DHX34: variants seen among roughly 807,000 people sequenced by gnomAD.
DHX34 encodes the protein DExH-box helicase 34.
Under a neutral mutation model 111.1 loss-of-function variants are expected in DHX34, and 96 were observed. The ratio of observed to expected loss-of-function variants is 0.86; its 90% CI spans 0.73 to 1.02. The LOEUF (loss-of-function observed/expected upper bound fraction) is 1.02. Among genes scored for constraint, DHX34 ranks in the 50% least tolerant of loss-of-function variants. DHX34 has a pLI of 0.00. For missense variants in DHX34, 1,560 were observed against 1,579.9 expected (o/e 0.99, Z 0.21); for synonymous variants, 688 against 670.4 (o/e 1.03, Z -0.41).
chr19:47,359,200 C>T (rs1248757805), intron 4 of DHX34, among the ~76,000 whole-genome samples: 1 of 152,178 alleles, frequency 6.6e-6, no homozygotes, highest in African/African-American at 2.4e-5. Flanking sequence ...TACATTGGCT[C>T]ATGCCTATAA....
intron 12 of DHX34, 104 bp from the exon 13 acceptor site, chr19:47,376,996 A>C: frequency 1.3e-6 from 2 of 1,583,014 alleles, no homozygotes; most frequent in Non-Finnish European, 1.7e-6. Flanking sequence ...TGCCGTAAGC[A>C]TACTCTTTCT....
intron 6 of DHX34, among the ~76,000 whole-genome samples, chr19:47,364,865 C>T (rs776901806): frequency 6.6e-5 from 10 of 152,162 alleles, no homozygotes; most frequent in African/African-American, 2.2e-4. Context: ...GGGCTCCATC[C>T]GAGGCCACCA....
chr19:47,350,729 A>AT lies in DHX34; in HGVS notation c.-278+1387dup, dbSNP rs375167988. Reference sequence around the variant, plus strand: ...GCCACCATGCCCGGCCTGAAAAAGCATTTTTTTTTTAATGAGAAAGATGGA... The same window carrying AT: ...GCCACCATGCCCGGCCTGAAAAAGCATTTTTTTTTTTAATGAGAAAGATGGA... On this transcript the variant is annotated intron_variant, in intron 1 of 16. Transcript: ENST00000328771. Among the ~76,000 whole-genome samples the AT allele has an allele frequency of 9.0e-3, 1,332 of 148,276 alleles. 25 individuals carry two copies. Among genetic ancestry groups the AT allele is most frequent in the African/African-American group, 0.028 (1,149 of 40,708 alleles).
chr19:47,362,267 CAAA>C (rs4039582), intron 5 of DHX34: 6,948 of 265,432 alleles, frequency 0.026, 1 homozygote, highest in Non-Finnish European at 0.029. Flanking sequence ...GACCCTGTCT[CAAA>C]AAAAAAAAAA....
chr19:47,357,605 C>T (rs897999749), intron 3 of DHX34: 17 of 376,954 alleles, frequency 4.5e-5, no homozygotes, highest in South Asian at 2.2e-4. Context: ...ACAGCCCCCA[C>T]GACAAGGAAT....
In DHX34 at chr19:47,376,517, G is replaced by C. The variant is rs1970165763; in HGVS notation, c.2556G>C (p.Leu852=). ...TCTTCGCTGGCAGCCCCGAGGTGCT[G>C]CACGCACAGGAGCTGGAGGCCAGCA... ...TCVFAGSPEV[L]HAQELEASNC... is the part of the protein sequence containing the mutation. Residue 852 remains leucine (L), a synonymous_variant, in exon 12 of 17, where the codon CTG becomes CTC. Coordinates refer to ENST00000328771, the MANE Select transcript of DHX34 (RefSeq NM_014681.6). 1 of 1,590,020 alleles carries C rather than the reference G, an allele frequency of 6.3e-7. No individual in the cohort carries two copies. The highest frequency in any genetic ancestry group is 8.6e-7 in the Non-Finnish European group (1 of 1,168,946).
At chr19:47,373,010 C>A in intron 8 of DHX34, 87 bp downstream of exon 8, 1 of 1,440,100 alleles carries the variant, frequency 6.9e-7, no homozygotes, top group African/African-American at 1.4e-5. Flanking sequence ...GTGTCCCACC[C>A]TCAGCCCCAC....
chr19:47,373,570 G>C, intron 8 of DHX34, 29 bp from the exon 9 acceptor site: 4 of 1,606,712 alleles, frequency 2.5e-6, no homozygotes, highest in South Asian at 1.1e-5. Flanking sequence ...GCCAGGCCCT[G>C]ACACCCTGGC....
At position 47,357,938 on chromosome 19, in the gene DHX34, A is replaced by T; in HGVS notation, c.1090A>T (p.Arg364Trp). The T allele has an allele frequency of 6.2e-7, 1 of 1,613,976 alleles. No individual in the cohort carries two copies. The highest frequency in any genetic ancestry group is 8.5e-7 in the Non-Finnish European group (1 of 1,180,034). ...GAAGCTGGACCCGCGGCCTTTCCTG[A>T]GGGTGCTGGAGTCCATTGACCACAA... ...SEKLDPRPFL[R>W]VLESIDHKYP... Residue 364 changes from arginine to tryptophan, a missense_variant, in exon 4 of 17, where the codon AGG (arginine) becomes TGG (tryptophan). Physicochemically the swap from Arg to Trp is moderately radical, Grantham distance 101. Transcript: ENST00000328771.
chr19:47,380,793 A>G, intron 14 of DHX34, 23 bp from the exon 15 acceptor site: 1 of 1,613,120 alleles, frequency 6.2e-7, no homozygotes, highest in Non-Finnish European at 8.5e-7. Context: ...GTCTCTCTCC[A>G]TTTCCTGTCT....
At chr19:47,375,836 C>T (rs8105743) in intron 10 of DHX34, 88 bp from the exon 11 acceptor site, 216,276 of 1,540,490 alleles carry the variant, frequency 0.14, 23,702 homozygotes, top group African/African-American at 0.45. Flanking sequence ...GTGCTTGGTC[C>T]CAGGTATCTG....
chr19:47,379,047 T>C (rs1232700088), intron 13 of DHX34, among the ~76,000 whole-genome samples: 1 of 151,948 alleles, frequency 6.6e-6, no homozygotes, highest in African/African-American at 2.4e-5. Flanking sequence ...GAAAATCGCT[T>C]GAACCTGGGA....
chr19:47,358,019 A>T lies in DHX34; in HGVS notation c.1171A>T (p.Ile391Phe). ...LLVFLSGMAEISAVLEAAQTY... is the reference protein window; with the variant it reads ...LLVFLSGMAEFSAVLEAAQTY... ...CGTCTTCCTCAGCGGCATGGCGGAG[A>T]TCAGCGCCGTGCTGGAGGCTGCCCA... Residue 391 changes from isoleucine (I) to phenylalanine (F), a missense_variant, in exon 4 of 17, where the codon ATC becomes TTC. Transcript: ENST00000328771. 1.2e-6 allele frequency: 2 copies of T among 1,613,616 alleles called. No individual in the cohort carries two copies. Among genetic ancestry groups the T allele is most frequent in the Non-Finnish European group, 1.7e-6 (2 of 1,180,032 alleles).
Position 47,375,640 on chromosome 19 carries a change from G to A in DHX34, c.2239G>A (p.Gly747Ser), listed in dbSNP as rs535638138. The change falls in exon 10 of 17, where the codon GGC becomes AGC. Residue 747 changes from glycine (G) to serine (S), a missense_variant. Coordinates refer to ENST00000328771, the MANE Select transcript of DHX34 (RefSeq NM_014681.6). ...GCTGCGGCTGCAGGAGGAGCAGGAC[G>A]GCGGCTCCAGTGACGAGGACAGGGC... ...KVLRLQEEQD[G>S]GSSDEDRAGP... 3.4e-5 allele frequency: 53 copies of A among 1,553,380 alleles called. No individual in the cohort carries two copies. The highest frequency in any genetic ancestry group is 3.1e-4 in the Admixed American group (16 of 50,862).
chr19:47,371,956 C>T (rs988690822), intron 7 of DHX34, among the ~76,000 whole-genome samples: 2 of 151,338 alleles, frequency 1.3e-5, no homozygotes, highest in Admixed American at 6.6e-5. Flanking sequence ...GCAAGGGAGC[C>T]CCCAGAAGTC....
chr19:47,379,604 A>G (rs1970284706), intron 13 of DHX34, 106 bp from the exon 14 acceptor site: 1 of 1,492,870 alleles, frequency 6.7e-7, no homozygotes, highest in Non-Finnish European at 8.9e-7. Context: ...GATGCCTCAC[A>G]TAGACAGGGC....
chr19:47,381,921 G>A (rs1008002900), intron 16 of DHX34, 59 bp from the exon 17 acceptor site: 21 of 1,604,398 alleles, frequency 1.3e-5, no homozygotes, highest in Non-Finnish European at 1.7e-5. Flanking sequence ...GCATTTGGGT[G>A]CAGGTAGACC....
chr19:47,364,355 T>G (rs185492234), intron 6 of DHX34, among the ~76,000 whole-genome samples: 1 of 152,258 alleles, frequency 6.6e-6, no homozygotes, highest in East Asian at 1.9e-4. Context: ...TGCCACAGGC[T>G]CACGTGCGGG....
chr19:47,362,472 C>T lies in DHX34; in HGVS notation c.1376-4C>T. Reference sequence around the variant, plus strand: ...GACTCCCTTTCCTCATTGCTCCCATCCAGGAAAGGTGAAGGAGATGAGCTA... The same window carrying T: ...GACTCCCTTTCCTCATTGCTCCCATTCAGGAAAGGTGAAGGAGATGAGCTA... On this transcript the variant is annotated splice_region_variant and splice_polypyrimidine_tract_variant and intron_variant, in intron 5 of 16. Transcript: ENST00000328771. 2 of 1,564,686 alleles carry T rather than the reference C, an allele frequency of 1.3e-6. No individual in the cohort carries two copies. The highest frequency in any genetic ancestry group is 1.7e-6 in the Non-Finnish European group (2 of 1,152,502).
Sources: gnomAD v4.1 joint callset for allele counts (sites outside exome capture counted in the v4.1 genomes callset) on GRCh38, gnomAD v4.1.1 for gene constraint, MANE v1.5 for transcripts, NCBI Gene and HGNC (gene_info 2026-07-23, HGNC 2026-07-21) for gene names.